DCC: variants seen among roughly 807,000 people sequenced by gnomAD.
DCC encodes the protein DCC netrin 1 receptor, also known as netrin receptor DCC.
DCC carries 58 observed loss-of-function variants against 172.5 expected under a neutral mutation model. The observed-to-expected ratio is 0.34, with a 90% confidence interval of 0.27 to 0.42. The LOEUF is 0.42. Ranked by LOEUF, DCC falls within the 10% of genes least tolerant of loss-of-function variation. The pLI is 1.00. For missense variants in DCC, 1,740 were observed against 1,791.0 expected (o/e 0.97, Z 0.51); for synonymous variants, 709 against 644.5 (o/e 1.10, Z -1.52).
At chr18:52,355,810 G>C (rs971742279) in intron 1 of DCC, among the ~76,000 whole-genome samples, 1 of 152,164 alleles carries the variant, frequency 6.6e-6, no homozygotes, top group Non-Finnish European at 1.5e-5. Flanking sequence ...GAGAGGTGCA[G>C]TTAGAGGAGA....
intron 7 of DCC, among the ~76,000 whole-genome samples, chr18:53,135,794 T>C (rs1598837794): frequency 6.6e-6 from 1 of 152,170 alleles, no homozygotes. Context: ...AGTGATTGAA[T>C]CACCCTCAAT....
chr18:53,178,557 T>C (rs1598879777), intron 8 of DCC, among the ~76,000 whole-genome samples: 1 of 152,182 alleles, frequency 6.6e-6, no homozygotes, highest in East Asian at 1.9e-4. Flanking sequence ...AAAGACCGAT[T>C]TGTGGAATAA....
intron 1 of DCC, among the ~76,000 whole-genome samples, chr18:52,598,925 A>C (rs1319858383): frequency 6.6e-6 from 1 of 152,176 alleles, no homozygotes; most frequent in Admixed American, 6.5e-5. Flanking sequence ...GCAGAAGGGC[A>C]AGAGAAACAA....
intron 1 of DCC, among the ~76,000 whole-genome samples, chr18:52,504,772 C>A (rs1252255189): frequency 2.0e-5 from 3 of 151,954 alleles, no homozygotes; most frequent in Non-Finnish European, 4.4e-5. Context: ...TGCCGCCCCT[C>A]CCCCCGGCCA....
At chr18:52,393,100 G>A (rs1336661956) in intron 1 of DCC, among the ~76,000 whole-genome samples, 1 of 152,066 alleles carries the variant, frequency 6.6e-6, no homozygotes, top group Non-Finnish European at 1.5e-5. Flanking sequence ...TTCACTGTGG[G>A]ATGAGATATG....
intron 2 of DCC, among the ~76,000 whole-genome samples, chr18:52,874,018 G>A (rs1045206545): frequency 2.0e-5 from 3 of 151,980 alleles, no homozygotes; most frequent in Admixed American, 6.6e-5. Flanking sequence ...TTGTCTTCAC[G>A]ATCAAAAATC....
chr18:52,949,625 C>T (rs1056101054), intron 5 of DCC, among the ~76,000 whole-genome samples: 9 of 152,084 alleles, frequency 5.9e-5, no homozygotes, highest in Admixed American at 2.6e-4. Flanking sequence ...TTCTGATGAC[C>T]CAAGTATGTG....
chr18:52,473,028 G>T (rs1011732192), intron 1 of DCC, among the ~76,000 whole-genome samples: 1 of 152,290 alleles, frequency 6.6e-6, no homozygotes. Flanking sequence ...ATTTAGAAAA[G>T]TTCATTACTG....
intron 2 of DCC, among the ~76,000 whole-genome samples, chr18:52,765,023 C>CTTTTTTTTTTTTTTTTTTTTTTTTT (rs963400763): frequency 7.0e-6 from 1 of 142,366 alleles, no homozygotes; most frequent in East Asian, 2.0e-4. Flanking sequence ...ATTTTCTTTT[C>CTTTTTTTTTTTTTTTTTTTTTTTTT]TTTTTTTTCT....
rs541970578 is a variant in DCC at position 53,388,533 on chromosome 18, T to C, written c.2455+2395T>C. Among the ~76,000 whole-genome samples the C allele has an allele frequency of 3.9e-5, 6 of 152,340 alleles. No individual in the cohort carries two copies. In the East Asian group the frequency reaches 1.2e-3, roughly 29 times the overall value. The stretch of plus-strand genomic sequence containing the variant: ...ACAGATGTTGGTGAGCTCTGGAGCC[T>C]CATCCCATACTGGGAATATCAGCAT... On this transcript the variant is annotated intron_variant, in intron 16 of 28. Coordinates refer to ENST00000442544, the MANE Select transcript of DCC (RefSeq NM_005215.4).
chr18:53,127,383 C>A (rs1396994246), intron 7 of DCC, among the ~76,000 whole-genome samples: 3 of 152,042 alleles, frequency 2.0e-5, no homozygotes, highest in African/African-American at 7.2e-5. Context: ...TATAAATCAA[C>A]AAGGCAGAGA....
chr18:52,982,009 G>A lies in DCC; in HGVS notation c.985+56639G>A, dbSNP rs1449200862. Among the ~76,000 whole-genome samples, 7 of 152,168 alleles carry A rather than the reference G, an allele frequency of 4.6e-5. No homozygotes were observed. The East Asian group carries it at 7.7e-4, about 17-fold the overall frequency. Reference sequence around the variant, plus strand: ...TAGAGATGGGAAATTTTATTTGGAGGACAGAGGTTAGAACAGAAGGCTGAA... The same window carrying A: ...TAGAGATGGGAAATTTTATTTGGAGAACAGAGGTTAGAACAGAAGGCTGAA... On this transcript the variant is annotated intron_variant, in intron 5 of 28. Transcript: ENST00000442544.
chr18:53,417,895 T>TACTCA (rs1910412786), intron 21 of DCC, among the ~76,000 whole-genome samples: 1 of 152,176 alleles, frequency 6.6e-6, no homozygotes. Flanking sequence ...ATTGATTATT[T>TACTCA]TATGAAAGGC....
chr18:53,015,336 G>A (rs942171670), intron 5 of DCC, among the ~76,000 whole-genome samples: 2 of 152,128 alleles, frequency 1.3e-5, no homozygotes, highest in East Asian at 1.9e-4. Flanking sequence ...GCATTTAGCC[G>A]AATTAAACAT....
intron 5 of DCC, among the ~76,000 whole-genome samples, chr18:53,027,835 T>TC (rs2143946186): frequency 6.6e-6 from 1 of 152,134 alleles, no homozygotes; most frequent in African/African-American, 2.4e-5. Flanking sequence ...ATTTTTTTTT[T>TC]CTGTTCTAAT....
rs140272437 is a variant in DCC, at chr18:52,892,253, T to C, written c.413-13791T>C. ...ATGTTGTTGCTGATTCTATAAAAAC[T>C]GCATAAGTACCCTGACACTTGAGGT... On this transcript the variant is annotated intron_variant, in intron 2 of 28. Coordinates refer to ENST00000442544, the MANE Select transcript of DCC (RefSeq NM_005215.4). Among the ~76,000 whole-genome samples the C allele has an allele frequency of 2.9e-4, 44 of 152,222 alleles. No homozygotes were observed. The East Asian group carries it at 8.5e-3, about 29-fold the overall frequency.
At chr18:53,024,909 T>C (rs2041935443) in intron 5 of DCC, among the ~76,000 whole-genome samples, 1 of 152,158 alleles carries the variant, frequency 6.6e-6, no homozygotes, top group Admixed American at 6.6e-5. Context: ...TATACCTCTT[T>C]GACCTACCAT....
chr18:52,803,647 A>C (rs1286289433), intron 2 of DCC, among the ~76,000 whole-genome samples: 1 of 152,144 alleles, frequency 6.6e-6, no homozygotes, highest in Non-Finnish European at 1.5e-5. Flanking sequence ...ATTATTGCAA[A>C]TCTCCAAAAA....
Position 52,890,127 on chromosome 18 carries a change from T to C in DCC, c.413-15917T>C, listed in dbSNP as rs184682923. Among the ~76,000 whole-genome samples the C allele has an allele frequency of 1.2e-3, 187 of 151,930 alleles. 1 individual carries two copies. Among genetic ancestry groups the C allele is most frequent in the African/African-American group, 4.2e-3 (176 of 41,448 alleles). Reference sequence around the variant, plus strand: ...AATATCAACAAAGAAAATAGAAAAATAGATTTGATTTGGTTTTAGGAGTTT... The same window carrying C: ...AATATCAACAAAGAAAATAGAAAAACAGATTTGATTTGGTTTTAGGAGTTT... On this transcript the variant is annotated intron_variant, in intron 2 of 28. Transcript: ENST00000442544.
Sources: gnomAD v4.1 joint callset for allele counts (sites outside exome capture counted in the v4.1 genomes callset) on GRCh38, gnomAD v4.1.1 for gene constraint, MANE v1.5 for transcripts, NCBI Gene and HGNC (gene_info 2026-07-23, HGNC 2026-07-21) for gene names.